Variants in SEMA4B observed in about 807,000 individuals in gnomAD.
The protein encoded by SEMA4B is semaphorin 4B.
In SEMA4B, 55 loss-of-function variants were observed where a neutral mutation model predicts 88.1. The observed-to-expected ratio is 0.62, with a 90% CI of 0.50 to 0.78. The LOEUF is 0.78. Among genes scored for constraint, SEMA4B ranks in the 30% least tolerant of loss-of-function variants. SEMA4B has a pLI of 0.00. For missense variants in SEMA4B, 1,062 were observed against 1,111.9 expected (o/e 0.96, Z 0.64); for synonymous variants, 525 against 473.6 (o/e 1.11, Z -1.41).
At chr15:90,226,227 A>G (rs1962165947) in intron 12 of SEMA4B, among the ~76,000 whole-genome samples, 1 of 152,202 alleles carries the variant, frequency 6.6e-6, no homozygotes, top group African/African-American at 2.4e-5. Context: ...ACACAAAGCA[A>G]AACTACCCCT....
chr15:90,226,306 G>A (rs928172396), intron 12 of SEMA4B, among the ~76,000 whole-genome samples: 3 of 152,112 alleles, frequency 2.0e-5, no homozygotes, highest in African/African-American at 7.2e-5. Context: ...TACTACATAT[G>A]TGTATAGATA....
intron 1 of SEMA4B, among the ~76,000 whole-genome samples, chr15:90,193,944 C>G (rs1462566294): frequency 6.6e-6 from 1 of 151,604 alleles, no homozygotes; most frequent in South Asian, 2.1e-4. Context: ...CTCTGTCTCC[C>G]GGGTTCAAGC....
Position 90,223,982 on chromosome 15 carries a change from T to C in SEMA4B, c.1188T>C (p.Pro396=). Residue 396 remains proline (P), a synonymous_variant, in exon 9 of 14, where the codon CCT becomes CCC. Coordinates refer to ENST00000411539, the MANE Select transcript of SEMA4B (RefSeq NM_198925.4). ...CCCACCCGGTGCCCACACCCCGGCC[T>C]GGAGCGGTGGGTACTGGCTCCCTGC... is the stretch of plus-strand genomic sequence containing the variant. ...TVTHPVPTPR[P]GACITNSARE... 1 of 1,612,436 alleles carries C rather than the reference T, an allele frequency of 6.2e-7. No homozygotes were observed.
rs1254538186 is a variant in SEMA4B, at chr15:90,223,881, A to G, written c.1087A>G (p.Met363Val). The change falls in exon 9 of 14, where the codon ATG becomes GTG. Residue 363 changes from methionine to valine, a missense_variant. By Grantham distance (21) the Met-to-Val change is conservative (BLOSUM62 1). Transcript: ENST00000411539. ...AGGCTCTGCCGTCTGTGTCTTCACAATGAAGGATGTGCAGAGAGTCTTCAG... is the reference window on the plus strand; with the variant it reads ...AGGCTCTGCCGTCTGTGTCTTCACAGTGAAGGATGTGCAGAGAGTCTTCAG... The part of the protein sequence containing the change: ...TEGSAVCVFT[M>V]KDVQRVFSGL... The G allele has an allele frequency of 5.6e-6, 9 of 1,613,786 alleles. No homozygotes were observed. The highest frequency in any genetic ancestry group is 2.2e-5 in the South Asian group (2 of 91,094).
Position 90,188,422 on chromosome 15 carries a change from G to T in SEMA4B, c.-122+3341G>T, listed in dbSNP as rs191992015. Among the ~76,000 whole-genome samples, 9 of 151,810 alleles carry T rather than the reference G, an allele frequency of 5.9e-5. No homozygotes were observed. In the East Asian group the frequency reaches 1.4e-3, roughly 23 times the overall value. ...GTGGGCGGATCACCTGAGGTCAGGG[G>T]TTCAAGACCAGGCTGGCCAACATGG... On this transcript the variant is annotated intron_variant, in intron 1 of 14. Coordinates refer to the SEMA4B transcript ENST00000332496.
chr15:90,217,503 G>T lies in SEMA4B; in HGVS notation c.222G>T (p.Leu74=). 1 of 1,613,954 alleles carries T rather than the reference G, an allele frequency of 6.2e-7. No individual in the cohort carries two copies. The highest frequency in any genetic ancestry group is 8.5e-7 in the Non-Finnish European group (1 of 1,179,880). The change falls in exon 2 of 14, where the codon CTG becomes CTT. Residue 74 remains leucine, a synonymous_variant. Transcript: ENST00000411539. The part of the protein sequence containing the change: ...AEHISNYTAL[L]LSRDGRTLYV... Reference sequence around the variant, plus strand: ...ACATCTCCAACTACACAGCCCTTCTGCTGAGCAGGGATGGCAGGACCCTGT... The same window carrying T: ...ACATCTCCAACTACACAGCCCTTCTTCTGAGCAGGGATGGCAGGACCCTGT...
chr15:90,189,460 A>G (rs1301181888), intron 1 of SEMA4B, among the ~76,000 whole-genome samples: 4 of 152,180 alleles, frequency 2.6e-5, no homozygotes, highest in Non-Finnish European at 5.9e-5. Flanking sequence ...ATAATAACTG[A>G]TATCTCACCC....
rs1487149770 is a variant in SEMA4B at position 90,228,821 on chromosome 15, C to T, written c.*178C>T. The T allele has an allele frequency of 1.2e-6, 1 of 808,982 alleles. No homozygotes were observed. Among genetic ancestry groups the T allele is most frequent in the African/African-American group, 1.7e-5 (1 of 57,722 alleles). 50.1% of individuals were successfully genotyped at this position (808,982 alleles called of 1,614,324 possible). On this transcript the variant is annotated 3_prime_UTR_variant, in exon 14 of 14. Transcript: ENST00000411539. ...AGTCAAGTAGCGAAGCTCCTACCAC[C>T]CAGACACCCAAACAGCCGTGGCCCC... is the stretch of plus-strand genomic sequence containing the variant.
rs1290494591 is a variant in SEMA4B, at chr15:90,219,841, C to G, written c.433C>G (p.His145Asp). 1.2e-6 allele frequency: 2 copies of G among 1,613,676 alleles called. No individual in the cohort carries two copies. The highest frequency in any genetic ancestry group is 1.7e-6 in the Non-Finnish European group (2 of 1,179,838). ...GATCCTCCTGCCGCTCAGCGGCAGTCACCTGTTCACCTGTGGCACAGCAGC... is the reference window on the plus strand; with the variant it reads ...GATCCTCCTGCCGCTCAGCGGCAGTGACCTGTTCACCTGTGGCACAGCAGC... Reference protein sequence around the residue: ...IKILLPLSGSHLFTCGTAAFS... With the variant: ...IKILLPLSGSDLFTCGTAAFS... Residue 145 changes from histidine to aspartate, a missense_variant, in exon 4 of 14, where the codon CAC becomes GAC. Transcript: ENST00000411539.
chr15:90,221,699 C>T lies in SEMA4B; in HGVS notation c.795C>T (p.Ser265=), dbSNP rs760345146. Residue 265 remains serine (S), a synonymous_variant, in exon 7 of 14, where the codon AGC becomes AGT. Transcript: ENST00000411539. The part of the protein sequence containing the change: ...GDDDKIYFFF[S]ETGQEFEFFE... ...ATGACAAGATCTACTTTTTCTTCAGCGAGACTGGCCAGGAATTTGAGTTCT... is the reference window on the plus strand; with the variant it reads ...ATGACAAGATCTACTTTTTCTTCAGTGAGACTGGCCAGGAATTTGAGTTCT... The T allele has an allele frequency of 2.0e-5, 32 of 1,613,874 alleles. No homozygotes were observed. In the South Asian group the frequency reaches 2.3e-4, roughly 12 times the overall value.
At chr15:90,218,525 C>T (rs143925679) in intron 3 of SEMA4B, among the ~76,000 whole-genome samples, 83 of 152,336 alleles carry the variant, frequency 5.4e-4, no homozygotes, top group African/African-American at 8.2e-4. Flanking sequence ...CAGTGGCTCA[C>T]GCCTGTAATC....
At chr15:90,219,988 C>A in intron 4 of SEMA4B, 97 bp downstream of exon 4, 1 of 934,932 alleles carries the variant, frequency 1.1e-6, no homozygotes, top group Non-Finnish European at 1.6e-6. Context: ...TGAGGAAAGG[C>A]AGGGCCCAGA....
rs1186036454 is a variant in SEMA4B, at chr15:90,228,700, G to A, written c.*57G>A. The A allele has an allele frequency of 6.2e-6, 10 of 1,603,430 alleles. 1 individual carries two copies. In the Admixed American group the frequency reaches 1.0e-4, roughly 16 times the overall value. On this transcript the variant is annotated 3_prime_UTR_variant, in exon 14 of 14. Transcript: ENST00000411539. ...TCAGGGGCTGTGAATGCTCGGAGAGGGTCAACTGGACCTCCCCTCCGCTCT... is the reference window on the plus strand; with the variant it reads ...TCAGGGGCTGTGAATGCTCGGAGAGAGTCAACTGGACCTCCCCTCCGCTCT...
At chr15:90,196,410 C>T (rs1306395234), upstream of SEMA4B, among the ~76,000 whole-genome samples, 3 of 152,080 alleles carry the variant, frequency 2.0e-5, no homozygotes, top group Admixed American at 6.6e-5. Context: ...CATATAGTTT[C>T]GTAACAATCT....
At chr15:90,187,064 T>C (rs1403533497) in intron 1 of SEMA4B, among the ~76,000 whole-genome samples, 1 of 152,230 alleles carries the variant, frequency 6.6e-6, no homozygotes, top group Non-Finnish European at 1.5e-5. Flanking sequence ...CCCCGCTGCA[T>C]GGGTCTTGTG....
intron 1 of SEMA4B, among the ~76,000 whole-genome samples, chr15:90,215,440 T>C (rs1961488883): frequency 6.6e-6 from 1 of 152,226 alleles, no homozygotes; most frequent in Admixed American, 6.5e-5. Context: ...ATACTAAATA[T>C]AACCTGAATT....
rs199675454 is a variant in SEMA4B at position 90,225,321 on chromosome 15, G to A, written c.1445G>A (p.Arg482Gln). The change falls in exon 11 of 14, where the codon CGG becomes CAG. Residue 482 changes from arginine (R) to glutamine (Q), a missense_variant. Arg to Gln is a conservative substitution (Grantham distance 43, BLOSUM62 1). Transcript: ENST00000411539. ...RLHKAVSVGP[R>Q]VHIIEELQIF... ...CACAAGGCAGTGAGCGTGGGCCCCC[G>A]GGTGCACATCATTGAGGAGCTGCAG... is the stretch of plus-strand genomic sequence containing the variant. 270 of 1,558,908 alleles carry A rather than the reference G, an allele frequency of 1.7e-4. No individual in the cohort carries two copies. Among genetic ancestry groups the A allele is most frequent in the Non-Finnish European group, 1.9e-4 (222 of 1,152,074 alleles).
At chr15:90,208,331 G>C (rs1029530006) in intron 1 of SEMA4B, among the ~76,000 whole-genome samples, 3 of 152,126 alleles carry the variant, frequency 2.0e-5, no homozygotes, top group African/African-American at 4.8e-5. Flanking sequence ...AAAAATCTAG[G>C]TTTCCAGCTT....
chr15:90,220,665 G>A (rs986090157), intron 4 of SEMA4B, among the ~76,000 whole-genome samples: 2 of 151,398 alleles, frequency 1.3e-5, no homozygotes, highest in South Asian at 2.1e-4. Flanking sequence ...CACCGCGCCC[G>A]GCCAGGCTCA....
Sources: allele counts gnomAD v4.1 joint callset (sites outside exome capture counted in the v4.1 genomes callset), GRCh38; gene constraint gnomAD v4.1.1; transcripts MANE v1.5; gene names NCBI Gene and HGNC (gene_info 2026-07-23, HGNC 2026-07-21).